MID1: variants seen among roughly 807,000 people sequenced by gnomAD.
MID1 encodes the protein E3 ubiquitin-protein ligase Midline-1.
A neutral mutation model predicts 40.4 loss-of-function variants in MID1; 7 were observed. That is an observed-to-expected ratio of 0.17 (90% confidence interval 0.10 to 0.33). The LOEUF is 0.33. Among genes scored for constraint, MID1 ranks in the 10% least tolerant of loss-of-function variants. The pLI is 1.00. For missense variants in MID1, 367 were observed against 558.5 expected, an observed-to-expected ratio of 0.66 and a Z score of 3.46; for synonymous variants, 229 against 221.2, an observed-to-expected ratio of 1.04 and a Z score of -0.31.
intron 1 of MID1, among the ~76,000 whole-genome samples, chrX:10,572,056 T>C (rs771770364): frequency 4.4e-4 from 48 of 108,242 alleles, no homozygotes; most frequent in Non-Finnish European, 7.1e-4. Flanking sequence ...ACCAAGCAGA[T>C]AGTGGTACAT....
rs1335544263 is a variant in MID1 at position 10,763,390 on chromosome X, C to A, written c.-187+70164G>T. Among the ~76,000 whole-genome samples the A allele has an allele frequency of 4.8e-5, 5 of 103,348 alleles. No homozygotes were observed. The East Asian group carries it at 1.6e-3, about 33-fold the overall frequency. The allele number at this position is 103,348 out of a possible 115,157, so 89.7% of individuals were successfully genotyped here. ...TCCAAGTGTTCTCATTGTTCGATTC[C>A]CACCTATGAGTGAGAACATGCAGTG... On this transcript the variant is annotated intron_variant, in intron 1 of 10. Transcript: ENST00000380785.
intron 1 of MID1, among the ~76,000 whole-genome samples, chrX:10,653,192 G>A (rs1456778654): frequency 1.8e-5 from 2 of 112,071 alleles, no homozygotes; most frequent in African/African-American, 3.2e-5. Flanking sequence ...ACACTTCCCC[G>A]TAGCTTCCTA....
chrX:10,823,026 T>C (rs770996766), intron 1 of MID1, among the ~76,000 whole-genome samples: 2 of 111,987 alleles, frequency 1.8e-5, no homozygotes, highest in South Asian at 7.5e-4. Flanking sequence ...TGCACACTTA[T>C]GTTCATTGCA....
chrX:10,462,585 A>T (rs1929111755), intron 7 of MID1, among the ~76,000 whole-genome samples: 1 of 112,399 alleles, frequency 8.9e-6, no homozygotes, highest in South Asian at 3.7e-4. Flanking sequence ...ACTCAGTTTA[A>T]AATAACAACG....
chrX:10,485,864 T>G (rs1930588551), intron 4 of MID1, among the ~76,000 whole-genome samples: 1 of 111,504 alleles, frequency 9.0e-6, no homozygotes, highest in Admixed American at 9.6e-5. Context: ...CCAAGTTAAT[T>G]TTCTTAAACT....
intron 1 of MID1, among the ~76,000 whole-genome samples, chrX:10,599,242 TTA>T (rs1476355050): frequency 3.6e-5 from 4 of 112,153 alleles, no homozygotes; most frequent in Non-Finnish European, 7.5e-5. Context: ...ACCACCTGGC[TTA>T]TTTAGTGCTT....
Position 10,637,967 on chromosome X carries a change from C to A in MID1, c.-186-17548G>T, listed in dbSNP as rs1602487956. ...TAAAATGTTCCAAAATCAAGAGTTT[C>A]TTTTTTAAAAAAAGTACAGAGAGTA... On this transcript the variant is annotated intron_variant, in intron 1 of 10. Coordinates refer to the MID1 transcript ENST00000380785. 2.7e-5 allele frequency among the ~76,000 whole-genome samples: 3 copies of A among 111,674 alleles called. No homozygotes were observed. The South Asian group carries it at 1.1e-3, about 42-fold the overall frequency.
At position 10,724,941 on chromosome X, in the gene MID1, C is replaced by A. The variant is rs1468929236; in HGVS notation, c.-186-104522G>T. Among the ~76,000 whole-genome samples the A allele has an allele frequency of 2.7e-5, 3 of 111,984 alleles. No homozygotes were observed. The Admixed American group carries it at 2.9e-4, about 11-fold the overall frequency. On this transcript the variant is annotated intron_variant, in intron 1 of 10. Transcript: ENST00000380785. ...CAGGTTCAATTTGTGTGTCTCTCTG[C>A]AAACCTCGTTCAAGATGTCAGATGA...
At chrX:10,462,128 G>C (rs1414928869) in intron 7 of MID1, among the ~76,000 whole-genome samples, 1 of 112,040 alleles carries the variant, frequency 8.9e-6, no homozygotes, top group African/African-American at 3.2e-5. Flanking sequence ...AAAATTAAAA[G>C]AACAAAATGT....
chrX:10,458,912 A>C (rs1242378818), intron 8 of MID1, among the ~76,000 whole-genome samples: 1 of 112,090 alleles, frequency 8.9e-6, no homozygotes, highest in Non-Finnish European at 1.9e-5. Context: ...GCAAATAAAC[A>C]CCATGTTACA....
intron 1 of MID1, among the ~76,000 whole-genome samples, chrX:10,822,649 A>G (rs941033229): frequency 2.7e-5 from 3 of 112,231 alleles, no homozygotes; most frequent in Non-Finnish European, 5.6e-5. Flanking sequence ...AGAAAAAAAC[A>G]AAGTAAGCAA....
rs1394226681 is a variant in MID1, at chrX:10,448,527, T to C, written c.*841A>G. ...CTATTAAAAGGAAGGATAAAGTAGA[T>C]TCTATACTATAAAACAGAATCCTAC... is the stretch of plus-strand genomic sequence containing the variant. On this transcript the variant is annotated 3_prime_UTR_variant, in exon 10 of 10. Coordinates refer to ENST00000317552, the MANE Select transcript of MID1 (RefSeq NM_000381.4). 8.9e-6 allele frequency: 1 copy of C among 111,947 alleles called. No individual in the cohort carries two copies. The highest frequency in any genetic ancestry group is 1.9e-5 in the Non-Finnish European group (1 of 53,188). The allele number at this position is 111,947 out of a possible 1,213,427, so 9.2% of individuals were successfully genotyped here.
chrX:10,720,444 A>G (rs968839573), intron 1 of MID1, among the ~76,000 whole-genome samples: 2 of 112,621 alleles, frequency 1.8e-5, no homozygotes, highest in African/African-American at 6.5e-5. Flanking sequence ...GACACATGAA[A>G]AAATGCTCAT....
chrX:10,715,812 C>T (rs1458197939), intron 1 of MID1, among the ~76,000 whole-genome samples: 1 of 111,844 alleles, frequency 8.9e-6, no homozygotes, highest in African/African-American at 3.3e-5. Flanking sequence ...GGCAGACTGA[C>T]ACCTCACACA....
chrX:10,604,048 C>A (rs1326769043), intron 1 of MID1, among the ~76,000 whole-genome samples: 4 of 111,444 alleles, frequency 3.6e-5, no homozygotes, highest in Non-Finnish European at 7.5e-5. Flanking sequence ...CCAACGGTAA[C>A]ATACTTTTTA....
chrX:10,595,954 A>G lies in MID1; in HGVS notation c.-57+24336T>C, dbSNP rs1935402516. 5.4e-5 allele frequency among the ~76,000 whole-genome samples: 6 copies of G among 111,963 alleles called. No individual in the cohort carries two copies. In the Admixed American group the frequency reaches 5.7e-4, roughly 11 times the overall value. ...AAATATGTACAATTATTAGGTGTCA[A>G]TTATAAGTACAAATTTTTTTTAAAA... On this transcript the variant is annotated intron_variant, in intron 1 of 9. Coordinates refer to ENST00000317552, the MANE Select transcript of MID1 (RefSeq NM_000381.4).
At chrX:10,639,146 C>G (rs559291681) in intron 1 of MID1, among the ~76,000 whole-genome samples, 1 of 112,376 alleles carries the variant, frequency 8.9e-6, no homozygotes, top group East Asian at 2.8e-4. Context: ...TGGAACAAAG[C>G]TGGACAGAGA....
chrX:10,465,854 ACC>A (rs1260696736), intron 7 of MID1, among the ~76,000 whole-genome samples: 2 of 111,976 alleles, frequency 1.8e-5, no homozygotes, highest in African/African-American at 6.5e-5. Flanking sequence ...CAGAATCCTA[ACC>A]CATGGAAACT....
intron 9 of MID1, among the ~76,000 whole-genome samples, chrX:10,454,191 G>C (rs1429123883): frequency 1.8e-5 from 2 of 111,557 alleles, no homozygotes; most frequent in Non-Finnish European, 1.9e-5. Context: ...CACTGGGCTG[G>C]ATCTAACAGG....
Sources: allele counts gnomAD v4.1 joint callset (sites outside exome capture counted in the v4.1 genomes callset), GRCh38; gene constraint gnomAD v4.1.1; transcripts MANE v1.5; gene names NCBI Gene and HGNC (gene_info 2026-07-23, HGNC 2026-07-21).